Variants in CAMKMT observed in about 807,000 individuals in gnomAD.
CAMKMT encodes calmodulin-lysine N-methyltransferase.
In CAMKMT, 53 loss-of-function variants were observed where a neutral mutation model predicts 48.0. The ratio of observed to expected loss-of-function variants is 1.10; its 90% confidence interval spans 0.89 to 1.39. CAMKMT has a LOEUF of 1.39. CAMKMT is among the 40% of genes most tolerant of loss of function. CAMKMT has a pLI of 0.00. For synonymous variants in CAMKMT, 165 were observed against 152.3 expected (o/e 1.08, Z -0.61); for missense variants, 428 against 402.7 (o/e 1.06, Z -0.54).
At chr2:44,748,679 T>C (rs1019164824) in intron 8 of CAMKMT, among the ~76,000 whole-genome samples, 10 of 152,138 alleles carry the variant, frequency 6.6e-5, no homozygotes, top group African/African-American at 2.4e-4. Flanking sequence ...GAGACCATCC[T>C]GGCTAACACG....
intron 3 of CAMKMT, among the ~76,000 whole-genome samples, chr2:44,434,993 T>C (rs1666130501): frequency 6.6e-6 from 1 of 152,186 alleles, no homozygotes; most frequent in South Asian, 2.1e-4. Flanking sequence ...TCATTGTCTC[T>C]GGGGCACGTA....
chr2:44,527,316 T>TATACATATATACATATATA (rs549278503), intron 3 of CAMKMT, among the ~76,000 whole-genome samples: 1 of 144,300 alleles, frequency 6.9e-6, no homozygotes, highest in Non-Finnish European at 1.5e-5. Flanking sequence ...TATTATATAT[T>TATACATATATACATATATA]ATACATATAT....
chr2:44,714,821 G>A (rs917697254), intron 6 of CAMKMT, among the ~76,000 whole-genome samples: 15 of 152,156 alleles, frequency 9.9e-5, no homozygotes, highest in African/African-American at 3.6e-4. Context: ...AAGTAAAAGA[G>A]CTTGCCTGTG....
At chr2:44,730,909 A>G (rs1366440409) in intron 7 of CAMKMT, among the ~76,000 whole-genome samples, 2 of 152,234 alleles carry the variant, frequency 1.3e-5, no homozygotes, top group African/African-American at 4.8e-5. Context: ...CCATACAAAG[A>G]ACATGGCTGC....
At chr2:44,483,372 C>G (rs550478328) in intron 3 of CAMKMT, among the ~76,000 whole-genome samples, 2 of 152,250 alleles carry the variant, frequency 1.3e-5, no homozygotes, top group East Asian at 3.9e-4. Flanking sequence ...AGGGATCCAA[C>G]AGTACCTGTT....
At chr2:44,387,142 GCTGT>G (rs1680852519) in intron 2 of CAMKMT, among the ~76,000 whole-genome samples, 1 of 152,048 alleles carries the variant, frequency 6.6e-6, no homozygotes, top group Non-Finnish European at 1.5e-5. Flanking sequence ...TTATTGTGTT[GCTGT>G]CTATCTCATT....
At chr2:44,496,327 T>C (rs1223051878) in intron 3 of CAMKMT, among the ~76,000 whole-genome samples, 1 of 152,206 alleles carries the variant, frequency 6.6e-6, no homozygotes, top group Non-Finnish European at 1.5e-5. Flanking sequence ...AATACTTGAA[T>C]AGAAGAACAG....
At chr2:44,417,728 A>C (rs1207389818) in intron 3 of CAMKMT, among the ~76,000 whole-genome samples, 1 of 152,188 alleles carries the variant, frequency 6.6e-6, no homozygotes, top group Non-Finnish European at 1.5e-5. Context: ...TGGTACTGTC[A>C]ATTATCTTTA....
At chr2:44,500,969 A>G (rs147774325) in intron 3 of CAMKMT, among the ~76,000 whole-genome samples, 1,678 of 152,092 alleles carry the variant, frequency 0.011, 18 homozygotes, top group Middle Eastern at 0.02. Flanking sequence ...GGCATGAGTC[A>G]TCATGCCCAG....
At chr2:44,619,655 T>C (rs1265993793) in intron 3 of CAMKMT, among the ~76,000 whole-genome samples, 1 of 152,216 alleles carries the variant, frequency 6.6e-6, no homozygotes, top group Admixed American at 6.5e-5. Flanking sequence ...TAGAGAGTAC[T>C]TTTTGCTAAG....
chr2:44,410,406 C>T (rs1184009772), intron 3 of CAMKMT, among the ~76,000 whole-genome samples: 1 of 149,174 alleles, frequency 6.7e-6, no homozygotes, highest in African/African-American at 2.5e-5. Flanking sequence ...TACAGGTGCC[C>T]GCCACCTCGC....
At chr2:44,534,613 A>G (rs1666665002) in intron 3 of CAMKMT, among the ~76,000 whole-genome samples, 1 of 151,784 alleles carries the variant, frequency 6.6e-6, no homozygotes, top group Admixed American at 6.5e-5. Flanking sequence ...TGGAAATTAA[A>G]CAACGTGCTC....
At chr2:44,425,959 G>C (rs939100798) in intron 3 of CAMKMT, among the ~76,000 whole-genome samples, 1 of 152,134 alleles carries the variant, frequency 6.6e-6, no homozygotes, top group African/African-American at 2.4e-5. Flanking sequence ...TCGAACTCCT[G>C]ACCTCAGGTG....
intron 3 of CAMKMT, among the ~76,000 whole-genome samples, chr2:44,574,301 G>T (rs988245623): frequency 6.6e-6 from 1 of 152,146 alleles, no homozygotes; most frequent in Admixed American, 6.5e-5. Context: ...GGTGAGGTAG[G>T]GTAGGTATGT....
chr2:44,771,622 A>G (rs1015985549), intron 10 of CAMKMT, among the ~76,000 whole-genome samples: 4 of 152,184 alleles, frequency 2.6e-5, no homozygotes, highest in African/African-American at 9.7e-5. Context: ...AGATGTTGCC[A>G]CGGACTCCAA....
chr2:44,622,971 C>G (rs1672281913), intron 3 of CAMKMT, among the ~76,000 whole-genome samples: 1 of 152,178 alleles, frequency 6.6e-6, no homozygotes, highest in Non-Finnish European at 1.5e-5. Context: ...TAAGCATTCC[C>G]TTTTCTCTGC....
In CAMKMT at chr2:44,657,065, TTTCAGATATCC is replaced by T. The variant is rs1674420710; in HGVS notation, c.377-47207_377-47197del. Among the ~76,000 whole-genome samples, 1 of 152,208 alleles carries T rather than the reference TTTCAGATATCC, an allele frequency of 6.6e-6. No homozygotes were observed. Among genetic ancestry groups the T allele is most frequent in the Non-Finnish European group, 1.5e-5 (1 of 68,036 alleles). ...TCACATTAATGTGTTTAACAGGTTG[TTTCAGATATCC>T]TTCAGATATCTGAGGATACAGGCAG... On this transcript the variant is annotated intron_variant, in intron 3 of 10. Transcript: ENST00000378494. This position sits in a 1 kb window ranked among gnomAD's most constrained non-coding sequence, Gnocchi z 4.3.
chr2:44,394,675 G>A (rs959461970), intron 3 of CAMKMT, among the ~76,000 whole-genome samples: 22 of 152,058 alleles, frequency 1.4e-4, no homozygotes, highest in Non-Finnish European at 2.5e-4. Flanking sequence ...TGATTTACCC[G>A]CCACAGCCTC....
chr2:44,463,944 A>G (rs1369924937), intron 3 of CAMKMT, among the ~76,000 whole-genome samples: 3 of 152,200 alleles, frequency 2.0e-5, no homozygotes, highest in African/African-American at 7.2e-5. Context: ...ACACAAAGAA[A>G]CAGGGAAATC....
Sources: allele counts gnomAD v4.1 joint callset (sites outside exome capture counted in the v4.1 genomes callset), GRCh38; gene constraint gnomAD v4.1.1; non-coding constraint Gnocchi (gnomAD v3.1); transcripts MANE v1.5; gene names NCBI Gene and HGNC (gene_info 2026-07-23, HGNC 2026-07-21).